Variants in SEC24A observed in about 807,000 individuals in gnomAD.
SEC24A encodes the protein protein transport protein Sec24A.
Under a neutral mutation model 129.4 loss-of-function variants are expected in SEC24A, and 93 were observed. The ratio of observed to expected loss-of-function variants is 0.72; its 90% CI spans 0.61 to 0.85. SEC24A has a LOEUF of 0.85. SEC24A is among the 40% of genes least tolerant of loss of function. The pLI is 0.00. For missense variants in SEC24A, 1,264 were observed against 1,307.4 expected (o/e 0.97, Z 0.51); for synonymous variants, 460 against 467.3 (o/e 0.98, Z 0.20).
rs987381683 is a variant in SEC24A, at chr5:134,676,005, CT to C, written c.1152-13del. 6.4e-7 allele frequency: 1 copy of C among 1,557,068 alleles called. No individual in the cohort carries two copies. The highest frequency in any genetic ancestry group is 1.4e-5 in the African/African-American group (1 of 72,064). ...TAATCATAGCAGCAACTGATACATA[CT>C]TTTTACTTTGATATAGGTTATTTCG... On this transcript the variant is annotated splice_polypyrimidine_tract_variant and intron_variant, in intron 6 of 22. Transcript: ENST00000398844.
chr5:134,721,840 C>G (rs1752636358), intron 21 of SEC24A, among the ~76,000 whole-genome samples: 1 of 152,120 alleles, frequency 6.6e-6, no homozygotes, highest in Non-Finnish European at 1.5e-5. Context: ...CTGCTGCACT[C>G]CCGCCTGGGC....
chr5:134,692,054 TTCC>T (rs1751674742), intron 11 of SEC24A, among the ~76,000 whole-genome samples: 1 of 149,412 alleles, frequency 6.7e-6, no homozygotes. Context: ...TTTTTTTTCT[TTCC>T]TTTTTTTTTT....
chr5:134,697,398 C>G, intron 14 of SEC24A, 152 bp downstream of exon 14: 1 of 609,458 alleles, frequency 1.6e-6, no homozygotes, highest in Non-Finnish European at 2.8e-6. Flanking sequence ...ACCTTATAGT[C>G]TTCTACTCTA....
chr5:134,718,508 A>G (rs555888447), intron 20 of SEC24A, among the ~76,000 whole-genome samples: 17 of 152,184 alleles, frequency 1.1e-4, no homozygotes, highest in Non-Finnish European at 2.2e-4. Flanking sequence ...TTATTATCAT[A>G]GGAGATGACA....
intron 9 of SEC24A, among the ~76,000 whole-genome samples, chr5:134,686,465 G>A (rs894522071): frequency 3.9e-5 from 6 of 152,266 alleles, no homozygotes; most frequent in African/African-American, 1.4e-4. Flanking sequence ...TCGAACTCCT[G>A]ACCTCAGGTG....
At chr5:134,675,433 C>G (rs527441962) in intron 6 of SEC24A, among the ~76,000 whole-genome samples, 23 of 152,268 alleles carry the variant, frequency 1.5e-4, no homozygotes, top group African/African-American at 5.5e-4. Context: ...TTGTTCTTAT[C>G]AGCTCTAATG....
At position 134,705,451 on chromosome 5, in the gene SEC24A, T is replaced by C. The variant is rs1752134176; in HGVS notation, c.2551+14T>C. 2.0e-6 allele frequency: 3 copies of C among 1,506,376 alleles called. No homozygotes were observed. The highest frequency in any genetic ancestry group is 2.3e-5 in the South Asian group (2 of 87,660). The allele number at this position is 1,506,376 out of a possible 1,614,324, so 93.3% of individuals were successfully genotyped here. A position where few individuals can be genotyped will look rare whatever the true frequency, so the allele number is the denominator to read the frequency against. On this transcript the variant is annotated intron_variant, in intron 17 of 22. Coordinates refer to ENST00000398844, the MANE Select transcript of SEC24A (RefSeq NM_021982.3). ...TGGCCAATATGGGTAAGAGTTGTTA[T>C]CTGTTATAAATATCTTACAAGTAAT...
chr5:134,672,077 G>T (rs1436680442), intron 4 of SEC24A, among the ~76,000 whole-genome samples, 191 bp downstream of exon 4: 1 of 152,176 alleles, frequency 6.6e-6, no homozygotes, highest in Non-Finnish European at 1.5e-5. Context: ...GAGTGCAGTG[G>T]TGCGATCATG....
At chr5:134,675,900 T>C in intron 6 of SEC24A, 123 bp from the exon 7 acceptor site, 1 of 610,962 alleles carries the variant, frequency 1.6e-6, no homozygotes. Context: ...TTTGAGACTC[T>C]ATTGAAATAT....
chr5:134,671,788 G>A (rs1391872840), intron 3 of SEC24A, 21 bp from the exon 4 acceptor site: 3 of 1,435,084 alleles, frequency 2.1e-6, no homozygotes, highest in South Asian at 1.3e-5. Flanking sequence ...TTAAAATCTT[G>A]TTGATGAACT....
chr5:134,653,722 G>A (rs1424128977), intron 1 of SEC24A, among the ~76,000 whole-genome samples: 1 of 151,832 alleles, frequency 6.6e-6, no homozygotes, highest in Non-Finnish European at 1.5e-5. Flanking sequence ...TAAAAAATAG[G>A]CATGGTGCGG....
chr5:134,705,864 G>A (rs1289262277), intron 17 of SEC24A, among the ~76,000 whole-genome samples: 1 of 149,680 alleles, frequency 6.7e-6, no homozygotes. Context: ...TTATATATTT[G>A]TCTACACTGA....
chr5:134,654,527 T>C (rs1263077958), intron 1 of SEC24A, among the ~76,000 whole-genome samples: 2 of 151,878 alleles, frequency 1.3e-5, no homozygotes, highest in Non-Finnish European at 2.9e-5. Context: ...GCTGAGAGGT[T>C]TTTCTAAGTC....
intron 10 of SEC24A, 97 bp from the exon 11 acceptor site, chr5:134,688,084 T>A: frequency 1.3e-6 from 1 of 777,584 alleles, no homozygotes; most frequent in Non-Finnish European, 2.3e-6. Context: ...TTCTATAATA[T>A]TGAATTAGAT....
intron 18 of SEC24A, among the ~76,000 whole-genome samples, chr5:134,711,244 C>A (rs1752317474): frequency 6.6e-6 from 1 of 152,160 alleles, no homozygotes; most frequent in South Asian, 2.1e-4. Context: ...AGAAGGATTG[C>A]TTAAAGCTAG....
chr5:134,697,761 A>G (rs556115086), intron 14 of SEC24A, 138 bp from the exon 15 acceptor site: 32 of 922,462 alleles, frequency 3.5e-5, no homozygotes, highest in East Asian at 7.7e-5. Context: ...CTGTCTCAAA[A>G]AAAGGGAATA....
chr5:134,695,773 C>T (rs552096506), intron 13 of SEC24A, among the ~76,000 whole-genome samples: 22 of 150,284 alleles, frequency 1.5e-4, no homozygotes, highest in African/African-American at 4.2e-4. Flanking sequence ...AGTGAGACTC[C>T]GTCTCAAAAC....
At chr5:134,723,329 G>A (rs1043953615) in intron 21 of SEC24A, among the ~76,000 whole-genome samples, 1 of 152,062 alleles carries the variant, frequency 6.6e-6, no homozygotes, top group Non-Finnish European at 1.5e-5. Flanking sequence ...GCCAGGCATG[G>A]TGGCACGCAT....
intron 12 of SEC24A, 153 bp downstream of exon 12, chr5:134,692,810 T>G (rs1751702387): frequency 9.8e-6 from 7 of 710,858 alleles, no homozygotes. Flanking sequence ...GAACAGCTCT[T>G]GAGTTCAACC....
Sources: allele counts gnomAD v4.1 joint callset (sites outside exome capture counted in the v4.1 genomes callset), GRCh38; gene constraint gnomAD v4.1.1; transcripts MANE v1.5; gene names NCBI Gene and HGNC (gene_info 2026-07-23, HGNC 2026-07-21).